GRK4: variants seen among roughly 807,000 people sequenced by gnomAD.
The protein encoded by GRK4 is G protein-coupled receptor kinase 4.
A neutral mutation model predicts 77.9 loss-of-function variants in GRK4; 73 were observed. That is an observed-to-expected ratio of 0.94 (90% CI 0.78 to 1.14). GRK4 has a LOEUF of 1.14. Among genes scored for constraint, GRK4 ranks in the 50% most tolerant of loss-of-function variants. The pLI is 0.00. For missense variants in GRK4, 729 were observed against 700.2 expected (o/e 1.04, Z -0.46); for synonymous variants, 257 against 254.4 (o/e 1.01, Z -0.10).
intron 8 of GRK4, among the ~76,000 whole-genome samples, chr4:3,015,032 C>A (rs1297539765): frequency 6.6e-6 from 1 of 152,196 alleles, no homozygotes; most frequent in Admixed American, 6.5e-5. Flanking sequence ...AGGCCCTCAA[C>A]TAGCATATCC....
At chr4:2,969,172 T>C (rs1718680972) in intron 1 of GRK4, 1 of 152,322 alleles carries the variant, frequency 6.6e-6, no homozygotes, top group South Asian at 2.1e-4. Context: ...TAGAAGACAC[T>C]GGATAGAGGA....
chr4:3,009,116 T>C (rs1732143037), intron 6 of GRK4, among the ~76,000 whole-genome samples: 1 of 152,104 alleles, frequency 6.6e-6, no homozygotes, highest in Admixed American at 6.6e-5. Context: ...TTTGCTTCAG[T>C]GTCTTAAATA....
At position 2,992,543 on chromosome 4, in the gene GRK4, C is replaced by T. The variant is rs551500044; in HGVS notation, c.339+251C>T. ...AAAATAAACAAAAAAACTAGCTGGACATGGTGGTGTGCATCTGTAGTCCCA... is the reference window on the plus strand; with the variant it reads ...AAAATAAACAAAAAAACTAGCTGGATATGGTGGTGTGCATCTGTAGTCCCA... On this transcript the variant is annotated intron_variant, in intron 4 of 15. Transcript: ENST00000398052. Among the ~76,000 whole-genome samples, 3 of 152,074 alleles carry T rather than the reference C, an allele frequency of 2.0e-5. No homozygotes were observed. In the South Asian group the frequency reaches 6.2e-4, roughly 32 times the overall value.
chr4:3,029,049 GGTGT>G (rs1303175234), intron 11 of GRK4, 148 bp from the exon 12 acceptor site: 1 of 638,080 alleles, frequency 1.6e-6, no homozygotes, highest in Non-Finnish European at 2.7e-6. Context: ...TGGGATTATA[GGTGT>G]GAGCCACCGC....
At chr4:2,972,606 G>A (rs1333917184) in intron 1 of GRK4, among the ~76,000 whole-genome samples, 1 of 152,070 alleles carries the variant, frequency 6.6e-6, no homozygotes, top group Non-Finnish European at 1.5e-5. Context: ...GGGACCTTTT[G>A]TAGCTGCAGT....
At chr4:3,002,215 G>A (rs1171030902) in intron 4 of GRK4, among the ~76,000 whole-genome samples, 2 of 152,128 alleles carry the variant, frequency 1.3e-5, no homozygotes, top group African/African-American at 4.8e-5. Flanking sequence ...CTGGCAACTA[G>A]GATGTAACTG....
chr4:3,014,280 TTC>T (rs1292010975), intron 8 of GRK4, among the ~76,000 whole-genome samples: 47 of 145,482 alleles, frequency 3.2e-4, no homozygotes, highest in African/African-American at 8.8e-4. Flanking sequence ...TGAGGATACC[TTC>T]TCTCTCTCTC....
chr4:3,015,346 G>C (rs904232323), intron 8 of GRK4, among the ~76,000 whole-genome samples: 1 of 152,202 alleles, frequency 6.6e-6, no homozygotes, highest in African/African-American at 2.4e-5. Flanking sequence ...TGTGCAGGGG[G>C]ACAAATGTTC....
At chr4:2,965,225 C>T (rs1717191860) in intron 1 of GRK4, 1 of 699,014 alleles carries the variant, frequency 1.4e-6, no homozygotes, top group Admixed American at 2.0e-5. Context: ...CTGTTTTCAC[C>T]CATGCTGGTC....
chr4:3,021,763 AC>A (rs1736153845), intron 9 of GRK4, among the ~76,000 whole-genome samples: 1 of 152,188 alleles, frequency 6.6e-6, no homozygotes, highest in Admixed American at 6.5e-5. Context: ...ACAGGTGACT[AC>A]GGCTGAGCCG....
intron 4 of GRK4, among the ~76,000 whole-genome samples, chr4:3,003,999 G>A (rs1006456310): frequency 6.6e-6 from 1 of 152,254 alleles, no homozygotes; most frequent in South Asian, 2.1e-4. Context: ...GATTACAGGC[G>A]TGTGCCGTTG....
intron 12 of GRK4, 68 bp downstream of exon 12, chr4:3,029,477 C>A: frequency 1.4e-6 from 2 of 1,393,900 alleles, no homozygotes; most frequent in Admixed American, 1.8e-5. Flanking sequence ...TCACTGGCAG[C>A]TATAACAAAA....
Position 3,017,228 on chromosome 4 carries a change from A to C in GRK4, c.742-2413A>C, listed in dbSNP as rs976287707. ...GGACCTGGCTCCTGCAGCCTCTGCC[A>C]CATCAGGCCTGGGGTCTGACTGCAC... is the stretch of plus-strand genomic sequence containing the variant. On this transcript the variant is annotated intron_variant, in intron 8 of 15. Transcript: ENST00000398052. 5.3e-5 allele frequency among the ~76,000 whole-genome samples: 8 copies of C among 152,372 alleles called. No homozygotes were observed. In the East Asian group the frequency reaches 1.5e-3, roughly 29 times the overall value.
intron 1 of GRK4, among the ~76,000 whole-genome samples, chr4:2,970,699 T>G (rs1719284855): frequency 6.6e-6 from 1 of 151,218 alleles, no homozygotes; most frequent in Non-Finnish European, 1.5e-5. Context: ...GGGGTCAGTC[T>G]CGCTCTGTCG....
At chr4:3,017,955 A>T (rs1034591386) in intron 8 of GRK4, among the ~76,000 whole-genome samples, 1 of 152,176 alleles carries the variant, frequency 6.6e-6, no homozygotes, top group African/African-American at 2.4e-5. Context: ...TCAACATGAT[A>T]TTGGAAATTC....
At chr4:2,974,880 C>T (rs1242727068) in intron 1 of GRK4, among the ~76,000 whole-genome samples, 4 of 152,336 alleles carry the variant, frequency 2.6e-5, no homozygotes, top group East Asian at 3.9e-4. Flanking sequence ...ATCCTGGCAA[C>T]GACTCTGCAT....
At chr4:3,038,258 G>A in intron 14 of GRK4, 118 bp from the exon 15 acceptor site, 1 of 1,288,260 alleles carries the variant, frequency 7.8e-7, no homozygotes, top group Non-Finnish European at 1.1e-6. Flanking sequence ...CCCACAGTGG[G>A]TGCAGGAGCT....
At chr4:2,978,869 G>T (rs1221920538) in intron 1 of GRK4, among the ~76,000 whole-genome samples, 1 of 152,126 alleles carries the variant, frequency 6.6e-6, no homozygotes, top group Non-Finnish European at 1.5e-5. Context: ...GAGGTGGGCG[G>T]ATCTCCTGAG....
At chr4:3,022,888 C>T (rs1736479273) in intron 10 of GRK4, among the ~76,000 whole-genome samples, 1 of 152,014 alleles carries the variant, frequency 6.6e-6, no homozygotes, top group African/African-American at 2.4e-5. Context: ...AGGGGTCATG[C>T]TATGTTGCCC....
Sources: gnomAD v4.1 joint callset for allele counts (sites outside exome capture counted in the v4.1 genomes callset) on GRCh38, gnomAD v4.1.1 for gene constraint, MANE v1.5 for transcripts, NCBI Gene and HGNC (gene_info 2026-07-23, HGNC 2026-07-21) for gene names.